BAZ1B: variants seen among roughly 807,000 people sequenced by gnomAD.
The protein encoded by BAZ1B is bromodomain adjacent to zinc finger domain 1B.
Under a neutral mutation model 153.8 loss-of-function variants are expected in BAZ1B, and 22 were observed. That is an observed-to-expected ratio of 0.14 (90% CI 0.10 to 0.20). The LOEUF is 0.20. Ranked by LOEUF, BAZ1B falls within the 10% of genes least tolerant of loss-of-function variation. The pLI is 1.00. For synonymous variants in BAZ1B, 676 were observed against 633.4 expected (o/e 1.07, Z -1.01); for missense variants, 1,325 against 1,799.3 (o/e 0.74, Z 4.77).
chr7:73,508,134 G>A (rs1346810628), intron 3 of BAZ1B, among the ~76,000 whole-genome samples, 193 bp downstream of exon 3: 7 of 152,114 alleles, frequency 4.6e-5, no homozygotes, highest in African/African-American at 1.2e-4. Context: ...CAGCCTTGGC[G>A]ACAGAGTGAG....
At chr7:73,521,737 G>C (rs1180043729) in intron 1 of BAZ1B, 90 bp downstream of exon 1, 50 of 1,134,614 alleles carry the variant, frequency 4.4e-5, no homozygotes, top group Non-Finnish European at 5.6e-5. Context: ...CCCCGGGCCG[G>C]GGATGCGCGG....
In BAZ1B at chr7:73,459,812, G is replaced by A. The variant is rs141360182; in HGVS notation, c.3250-94C>T. ...AATTCAAATAAATCTAGACTCAAATGCCACATAACATTCATTAAACAAAAT... is the reference window on the plus strand; with the variant it reads ...AATTCAAATAAATCTAGACTCAAATACCACATAACATTCATTAAACAAAAT... On this transcript the variant is annotated intron_variant, in intron 12 of 19. Coordinates refer to ENST00000339594, the MANE Select transcript of BAZ1B (RefSeq NM_032408.4). 4.7e-4 allele frequency: 516 copies of A among 1,106,552 alleles called. 2 individuals carry two copies. In the African/African-American group the frequency reaches 5.3e-3, roughly 11 times the overall value. The allele number at this position is 1,106,552 out of a possible 1,614,324, so 68.5% of individuals were successfully genotyped here.
intron 10 of BAZ1B, among the ~76,000 whole-genome samples, 175 bp from the exon 11 acceptor site, chr7:73,465,712 T>C (rs1465250433): frequency 1.3e-5 from 2 of 152,334 alleles, no homozygotes; most frequent in Middle Eastern, 3.4e-3. Flanking sequence ...TGATGCCTAA[T>C]GTTAATTCTG....
At chr7:73,485,924 T>C (rs1366535898) in intron 6 of BAZ1B, among the ~76,000 whole-genome samples, 1 of 152,172 alleles carries the variant, frequency 6.6e-6, no homozygotes, top group Non-Finnish European at 1.5e-5. Context: ...AGGGCTGCAA[T>C]GTATTACAAG....
chr7:73,489,352 C>T lies in BAZ1B; in HGVS notation c.733G>A (p.Glu245Lys). ...ACTATCTCCTTATTTGGTGGGCGCT[C>T]TGTACGAATCAAGCTGTCTGCTGGC... ...NVPADSLIRT[E>K]RPPNKEIVRY... The change falls in exon 6 of 20, where the codon GAG becomes AAG. Residue 245 changes from glutamate (E) to lysine (K), a missense_variant. By Grantham distance (56) the Glu-to-Lys change is moderately conservative (BLOSUM62 1). Around this residue, in one of 9 missense-constraint regions of BAZ1B, gnomAD observed 153 missense variants for 204.8 expected, o/e 0.75. Coordinates refer to ENST00000339594, the MANE Select transcript of BAZ1B (RefSeq NM_032408.4). The T allele has an allele frequency of 1.2e-6, 2 of 1,614,124 alleles. No homozygotes were observed. The highest frequency in any genetic ancestry group is 1.7e-6 in the Non-Finnish European group (2 of 1,180,028).
chr7:73,501,255 T>TCAAAACAAAA (rs782521481), intron 3 of BAZ1B, among the ~76,000 whole-genome samples: 3 of 152,156 alleles, frequency 2.0e-5, no homozygotes, highest in African/African-American at 7.2e-5. Flanking sequence ...AAACTCCGCC[T>TCAAAACAAAA]CAAAACAAAA....
At chr7:73,467,541 T>C (rs1372965324) in intron 9 of BAZ1B, among the ~76,000 whole-genome samples, 1 of 152,050 alleles carries the variant, frequency 6.6e-6, no homozygotes, top group Non-Finnish European at 1.5e-5. Flanking sequence ...GGCTAATTTT[T>C]GTGTTTTTTG....
chr7:73,518,020 TCTTA>T (rs1376569404), intron 1 of BAZ1B, among the ~76,000 whole-genome samples: 1 of 152,174 alleles, frequency 6.6e-6, no homozygotes, highest in Non-Finnish European at 1.5e-5. Context: ...CGATATTCTC[TCTTA>T]CTCGATTTTT....
chr7:73,459,776 A>T (rs1230578699), intron 12 of BAZ1B, 58 bp from the exon 13 acceptor site: 15 of 1,443,360 alleles, frequency 1.0e-5, no homozygotes, highest in Admixed American at 2.3e-5. Flanking sequence ...GACGAAAGGA[A>T]TCCAACCTCA....
intron 3 of BAZ1B, among the ~76,000 whole-genome samples, chr7:73,504,668 GA>G (rs1287420641): frequency 1.3e-5 from 2 of 149,382 alleles, no homozygotes; most frequent in African/African-American, 2.5e-5. Context: ...TGTCTCAAAA[GA>G]AAAAAAAACT....
chr7:73,442,883 G>T, intron 17 of BAZ1B, 55 bp from the exon 18 acceptor site: 1 of 1,336,064 alleles, frequency 7.5e-7, no homozygotes, highest in Non-Finnish European at 1.1e-6. Flanking sequence ...AGGAAGAATG[G>T]ACAGGGCAGA....
intron 15 of BAZ1B, among the ~76,000 whole-genome samples, chr7:73,449,198 T>C (rs187298593): frequency 9.2e-5 from 14 of 152,120 alleles, no homozygotes; most frequent in African/African-American, 3.1e-4. Flanking sequence ...AGGTAATGAG[T>C]GTGAGATTTT....
chr7:73,451,444 C>T (rs1788024262), intron 13 of BAZ1B, among the ~76,000 whole-genome samples: 1 of 152,136 alleles, frequency 6.6e-6, no homozygotes, highest in Admixed American at 6.5e-5. Flanking sequence ...GGAAAACAGC[C>T]AGTTATCCTG....
intron 15 of BAZ1B, among the ~76,000 whole-genome samples, chr7:73,448,079 C>G (rs538120514): frequency 1.3e-5 from 2 of 152,106 alleles, no homozygotes; most frequent in African/African-American, 2.4e-5. Flanking sequence ...CTGAGGCAGG[C>G]GGATCACCTA....
At chr7:73,453,546 T>C (rs1554568923) in intron 13 of BAZ1B, among the ~76,000 whole-genome samples, 1 of 152,230 alleles carries the variant, frequency 6.6e-6, no homozygotes, top group Non-Finnish European at 1.5e-5. Context: ...CTCTTCTGTA[T>C]TGAACTTGAG....
At chr7:73,498,100 T>C (rs1583938217) in intron 4 of BAZ1B, among the ~76,000 whole-genome samples, 1 of 152,048 alleles carries the variant, frequency 6.6e-6, no homozygotes, top group East Asian at 1.9e-4. Flanking sequence ...GCTGGGATTA[T>C]AGGCACCCAC....
intron 1 of BAZ1B, among the ~76,000 whole-genome samples, chr7:73,520,198 G>A (rs1223788458): frequency 4.5e-5 from 6 of 134,454 alleles, no homozygotes; most frequent in Non-Finnish European, 6.2e-5. Flanking sequence ...TAACAAGAGG[G>A]AAACTCCGTC....
intron 15 of BAZ1B, among the ~76,000 whole-genome samples, chr7:73,447,612 G>C (rs1787885641): frequency 6.6e-6 from 1 of 152,142 alleles, no homozygotes; most frequent in Admixed American, 6.6e-5. Context: ...AGACAGTTTG[G>C]ACAAGATACC....
At chr7:73,521,437 A>T (rs895033885) in intron 1 of BAZ1B, among the ~76,000 whole-genome samples, 3 of 152,190 alleles carry the variant, frequency 2.0e-5, no homozygotes, top group Non-Finnish European at 4.4e-5. Flanking sequence ...TTTTTAAAAA[A>T]TTTTTGTAAA....
Sources: allele counts gnomAD v4.1 joint callset (sites outside exome capture counted in the v4.1 genomes callset), GRCh38; gene constraint gnomAD v4.1.1; regional missense constraint gnomAD v4.1.1; transcripts MANE v1.5; gene names NCBI Gene and HGNC (gene_info 2026-07-23, HGNC 2026-07-21).